The following HIRA variants were observed in gnomAD, a reference collection of about 807,000 sequenced individuals.
HIRA encodes protein HIRA.
Under a neutral mutation model 126.6 loss-of-function variants are expected in HIRA, and 13 were observed. The observed-to-expected ratio is 0.10, with a 90% confidence interval of 0.07 to 0.16. The LOEUF (loss-of-function observed/expected upper bound fraction) is 0.16. Among genes scored for constraint, HIRA ranks in the 10% least tolerant of loss-of-function variants. HIRA has a pLI of 1.00. For missense variants in HIRA, 834 were observed against 1,314.4 expected (o/e 0.63, Z 5.65); for synonymous variants, 511 against 520.0 (o/e 0.98, Z 0.24).
chr22:19,343,027 A>G (rs533151433), intron 24 of HIRA, among the ~76,000 whole-genome samples: 8 of 152,350 alleles, frequency 5.3e-5, no homozygotes, highest in East Asian at 1.9e-4. Context: ...GTTCTCACTT[A>G]TAAGTAGGAG....
intron 15 of HIRA, 64 bp from the exon 16 acceptor site, chr22:19,361,995 A>C: frequency 1.3e-6 from 2 of 1,524,056 alleles, no homozygotes; most frequent in Non-Finnish European, 1.8e-6. Context: ...GAGTGAAGTG[A>C]AATATTTAAA....
chr22:19,350,522 A>G (rs548018962), intron 24 of HIRA, among the ~76,000 whole-genome samples: 32 of 152,138 alleles, frequency 2.1e-4, no homozygotes, highest in Admixed American at 2.0e-3. Flanking sequence ...CCACCCATCA[A>G]ATCTTATTGG....
At chr22:19,373,217 C>G (rs1023647972) in intron 15 of HIRA, among the ~76,000 whole-genome samples, 1 of 152,138 alleles carries the variant, frequency 6.6e-6, no homozygotes, top group East Asian at 1.9e-4. Context: ...CAGTATTAAT[C>G]TTTCCTCATT....
At position 19,331,148 on chromosome 22, in the gene HIRA, G is replaced by T; in HGVS notation, c.*292C>A. ...TCCACCTTGGGGCCGTGCTGGAGAC[G>T]GCAGGCCTGGGACTGCCTTGCTGGC... On this transcript the variant is annotated 3_prime_UTR_variant, in exon 25 of 25. Coordinates refer to ENST00000263208, the MANE Select transcript of HIRA (RefSeq NM_003325.4). The T allele has an allele frequency of 7.5e-7, 1 of 1,340,588 alleles. No homozygotes were observed. 83.0% of individuals were successfully genotyped at this position (1,340,588 alleles called of 1,614,324 possible). A position where few individuals can be genotyped will look rare whatever the true frequency, so the allele number is the denominator to read the frequency against.
chr22:19,372,179 G>C (rs1336058732), intron 15 of HIRA, among the ~76,000 whole-genome samples: 1 of 152,160 alleles, frequency 6.6e-6, no homozygotes, highest in African/African-American at 2.4e-5. Flanking sequence ...TGTCCTTCAA[G>C]ACTTAAGCAT....
intron 10 of HIRA, 65 bp downstream of exon 10, chr22:19,388,419 G>A (rs2089147518): frequency 3.1e-6 from 4 of 1,270,032 alleles, no homozygotes; most frequent in Non-Finnish European, 4.6e-6. Context: ...CACCCAGAAG[G>A]CCTCATGTTC....
chr22:19,356,787 C>A (rs1452019009), intron 19 of HIRA, 103 bp downstream of exon 19: 3 of 1,197,908 alleles, frequency 2.5e-6, no homozygotes, highest in Non-Finnish European at 3.5e-6. Context: ...GGCCTGATGG[C>A]CAGCCTTGTC....
intron 1 of HIRA, among the ~76,000 whole-genome samples, chr22:19,417,073 G>A (rs1345771700): frequency 6.6e-6 from 1 of 151,912 alleles, no homozygotes; most frequent in Non-Finnish European, 1.5e-5. Context: ...GGTGGTGGGT[G>A]CCTGTAGTCC....
chr22:19,385,109 C>T (rs1569302681), intron 12 of HIRA, among the ~76,000 whole-genome samples: 1 of 152,160 alleles, frequency 6.6e-6, no homozygotes, highest in Non-Finnish European at 1.5e-5. Context: ...ACTCCCCAGG[C>T]AATAACGTTC....
intron 15 of HIRA, 79 bp downstream of exon 15, chr22:19,375,552 G>T: frequency 6.8e-7 from 1 of 1,479,960 alleles, no homozygotes; most frequent in Non-Finnish European, 9.3e-7. Context: ...CAGGTTGCTT[G>T]GTGGGAACAC....
chr22:19,398,794 T>C (rs996006482), intron 5 of HIRA, among the ~76,000 whole-genome samples: 5 of 152,040 alleles, frequency 3.3e-5, no homozygotes, highest in African/African-American at 1.2e-4. Flanking sequence ...CTAGGCAACA[T>C]GGCAAAACCC....
At chr22:19,338,344 A>G (rs1228229154) in intron 24 of HIRA, among the ~76,000 whole-genome samples, 1 of 152,194 alleles carries the variant, frequency 6.6e-6, no homozygotes, top group African/African-American at 2.4e-5. Context: ...AAACCTTGAA[A>G]TACACCAAAA....
At chr22:19,369,110 T>C (rs1601823032) in intron 15 of HIRA, among the ~76,000 whole-genome samples, 1 of 152,072 alleles carries the variant, frequency 6.6e-6, no homozygotes, top group Non-Finnish European at 1.5e-5. Context: ...GCTGCCCCCC[T>C]TACAAATGGG....
Position 19,357,036 on chromosome 22 carries a change from G to A in HIRA, c.2250C>T (p.Val750=), listed in dbSNP as rs1488762045. 11 of 1,613,932 alleles carry A rather than the reference G, an allele frequency of 6.8e-6. No individual in the cohort carries two copies. The highest frequency in any genetic ancestry group is 2.2e-5 in the South Asian group (2 of 91,066). Residue 750 remains valine (V), a synonymous_variant, in exon 19 of 25, where the codon GTC becomes GTT. Transcript: ENST00000263208. The part of the protein sequence containing the change: ...TAAGSCDVVC[V]ACEKRMLSVF... ...CTGACAGCATCCTTTTTTCACAGGC[G>A]ACACACACCACGTCACTGAGAAGGC...
intron 9 of HIRA, among the ~76,000 whole-genome samples, chr22:19,390,713 G>C (rs1373895687): frequency 6.6e-6 from 1 of 151,316 alleles, no homozygotes; most frequent in Admixed American, 6.6e-5. Flanking sequence ...GCATCACCCA[G>C]GGGTGAAATG....
chr22:19,428,638 T>C (rs1396783006), intron 1 of HIRA, among the ~76,000 whole-genome samples: 1 of 152,120 alleles, frequency 6.6e-6, no homozygotes, highest in Non-Finnish European at 1.5e-5. Flanking sequence ...CCCTTTAGAC[T>C]CTCGAAAAAC....
chr22:19,376,403 C>G (rs976325710), intron 14 of HIRA, among the ~76,000 whole-genome samples: 2 of 152,174 alleles, frequency 1.3e-5, no homozygotes, highest in African/African-American at 4.8e-5. Context: ...AAGCCCACAC[C>G]ACACGCTTTG....
chr22:19,429,269 T>C (rs1220286070), intron 1 of HIRA, among the ~76,000 whole-genome samples: 3 of 151,306 alleles, frequency 2.0e-5, no homozygotes, highest in African/African-American at 7.3e-5. Context: ...TCCCGAGTAG[T>C]TGGGACTACA....
intron 15 of HIRA, among the ~76,000 whole-genome samples, chr22:19,367,909 A>G (rs1246067089): frequency 1.3e-5 from 2 of 152,238 alleles, no homozygotes; most frequent in Non-Finnish European, 2.9e-5. Context: ...TATAAACATT[A>G]AAGAGAGGCA....
Sources: gnomAD v4.1 joint callset for allele counts (sites outside exome capture counted in the v4.1 genomes callset) on GRCh38, gnomAD v4.1.1 for gene constraint, MANE v1.5 for transcripts, NCBI Gene and HGNC (gene_info 2026-07-23, HGNC 2026-07-21) for gene names.